RCOR1: variants seen among roughly 807,000 people sequenced by gnomAD.
RCOR1 encodes REST corepressor.
RCOR1 carries 12 observed loss-of-function variants against 64.0 expected under a neutral mutation model. The observed-to-expected ratio is 0.19, with a 90% CI of 0.12 to 0.30. The LOEUF (loss-of-function observed/expected upper bound fraction) is 0.30. RCOR1 is among the 10% of genes least tolerant of loss of function. The pLI is 1.00. For missense variants in RCOR1, 502 were observed against 621.2 expected, an observed-to-expected ratio of 0.81 and a Z score of 2.04; for synonymous variants, 279 against 227.2, an observed-to-expected ratio of 1.23 and a Z score of -2.05.
At chr14:102,671,257 T>G (rs1266945082) in intron 2 of RCOR1, among the ~76,000 whole-genome samples, 2 of 152,036 alleles carry the variant, frequency 1.3e-5, no homozygotes, top group Non-Finnish European at 2.9e-5. Context: ...AACTCCCTCT[T>G]CCCCTCGACT....
intron 3 of RCOR1, among the ~76,000 whole-genome samples, chr14:102,698,289 C>T (rs1484317048): frequency 6.6e-6 from 1 of 152,168 alleles, no homozygotes; most frequent in African/African-American, 2.4e-5. Context: ...CATTACAGGC[C>T]TTGTTACTGA....
intron 2 of RCOR1, among the ~76,000 whole-genome samples, chr14:102,596,088 A>G (rs1006939202): frequency 2.6e-5 from 4 of 151,958 alleles, no homozygotes; most frequent in African/African-American, 9.7e-5. Flanking sequence ...CCATTTTGGA[A>G]TAGAAATGAT....
chr14:102,617,972 C>CTTTTTTTTTT (rs71305077), intron 2 of RCOR1, among the ~76,000 whole-genome samples: 2 of 122,530 alleles, frequency 1.6e-5, no homozygotes, highest in African/African-American at 3.1e-5. Flanking sequence ...TTTTTTTTTT[C>CTTTTTTTTTT]TTTTTTTTTT....
chr14:102,682,191 A>G (rs1016672335), intron 3 of RCOR1, among the ~76,000 whole-genome samples: 2 of 152,174 alleles, frequency 1.3e-5, no homozygotes, highest in Non-Finnish European at 2.9e-5. Flanking sequence ...GTGCAGCAGC[A>G]CGATCTGGGC....
At chr14:102,692,083 A>T (rs188473397) in intron 3 of RCOR1, among the ~76,000 whole-genome samples, 402 of 152,356 alleles carry the variant, frequency 2.6e-3, no homozygotes, top group African/African-American at 9.5e-3. Context: ...TAGTGTGAGT[A>T]TAACACTGTT....
In RCOR1 at chr14:102,639,903, A is replaced by G. The variant is rs564405535; in HGVS notation, c.362-41992A>G. 2.0e-3 allele frequency among the ~76,000 whole-genome samples: 301 copies of G among 151,658 alleles called. 2 individuals are homozygous for G. Among genetic ancestry groups the G allele is most frequent in the African/African-American group, 6.8e-3 (280 of 41,314 alleles). The stretch of plus-strand genomic sequence containing the variant: ...CGCTCTGTCCCCAGGCTGGAGTGCA[A>G]TGGCATGACCTCGGCTCACTGCAAC... On this transcript the variant is annotated intron_variant, in intron 2 of 11. Transcript: ENST00000262241.
intron 2 of RCOR1, among the ~76,000 whole-genome samples, chr14:102,678,151 C>T (rs1402390425): frequency 2.6e-5 from 4 of 151,996 alleles, no homozygotes. Flanking sequence ...GAGATGGCAG[C>T]AGTACCGTCC....
At chr14:102,726,358 G>C in intron 11 of RCOR1, 110 bp from the exon 12 acceptor site, 1 of 895,632 alleles carries the variant, frequency 1.1e-6, no homozygotes, top group Non-Finnish European at 1.7e-6. Context: ...CTCGGTGTTT[G>C]CTCTGCAGGT....
At chr14:102,620,260 C>T (rs981286963) in intron 2 of RCOR1, among the ~76,000 whole-genome samples, 3 of 151,946 alleles carry the variant, frequency 2.0e-5, no homozygotes, top group East Asian at 1.9e-4. Context: ...CACCCCCCCA[C>T]ACCCACCATG....
At chr14:102,702,566 A>T (rs1291541042) in intron 4 of RCOR1, among the ~76,000 whole-genome samples, 1 of 152,016 alleles carries the variant, frequency 6.6e-6, no homozygotes, top group African/African-American at 2.4e-5. Flanking sequence ...TTATATATTG[A>T]GGCAGTAAAG....
At chr14:102,717,343 C>T (rs932586518) in intron 8 of RCOR1, among the ~76,000 whole-genome samples, 8 of 152,314 alleles carry the variant, frequency 5.3e-5, no homozygotes, top group South Asian at 2.1e-4. Flanking sequence ...CTCATAGACG[C>T]GAAGAGCAGG....
At chr14:102,683,574 G>A (rs963538089) in intron 3 of RCOR1, among the ~76,000 whole-genome samples, 6 of 152,226 alleles carry the variant, frequency 3.9e-5, no homozygotes, top group African/African-American at 7.2e-5. Context: ...TTCCACCAGC[G>A]GGGCTTCCCC....
intron 2 of RCOR1, among the ~76,000 whole-genome samples, chr14:102,666,939 T>A (rs1048501878): frequency 1.3e-5 from 2 of 152,112 alleles, no homozygotes; most frequent in African/African-American, 4.8e-5. Flanking sequence ...TACAACCCCC[T>A]TTTTTGGAAA....
intron 2 of RCOR1, among the ~76,000 whole-genome samples, chr14:102,619,709 G>GACCTCAGGTGATCTGCCC (rs1171142579): frequency 8.6e-5 from 13 of 151,994 alleles, no homozygotes; most frequent in African/African-American, 2.9e-4. Flanking sequence ...TCAAACTCCT[G>GACCTCAGGTGATCTGCCC]ACCTCAGGTG....
chr14:102,596,796 T>C (rs984257951), intron 2 of RCOR1, among the ~76,000 whole-genome samples: 8 of 151,418 alleles, frequency 5.3e-5, no homozygotes, highest in African/African-American at 1.9e-4. Context: ...AACTCTTTGC[T>C]TCAGGTGATC....
At chr14:102,649,013 G>T (rs1189400642) in intron 2 of RCOR1, among the ~76,000 whole-genome samples, 1 of 150,812 alleles carries the variant, frequency 6.6e-6, no homozygotes, top group Non-Finnish European at 1.5e-5. Flanking sequence ...TGTAGTAGAA[G>T]TTTGGAGGTG....
intron 2 of RCOR1, among the ~76,000 whole-genome samples, chr14:102,651,721 A>G (rs1022485469): frequency 3.3e-5 from 5 of 152,178 alleles, no homozygotes; most frequent in Non-Finnish European, 5.9e-5. Context: ...TTATTTATTT[A>G]TAGAGACAGG....
chr14:102,692,987 A>G (rs1298684545), intron 3 of RCOR1, among the ~76,000 whole-genome samples: 3 of 151,926 alleles, frequency 2.0e-5, no homozygotes, highest in Non-Finnish European at 4.4e-5. Context: ...GCTGGTCTTG[A>G]ATTCCTGACC....
intron 2 of RCOR1, among the ~76,000 whole-genome samples, chr14:102,601,311 C>T (rs1237999541): frequency 1.3e-5 from 2 of 152,214 alleles, no homozygotes; most frequent in Non-Finnish European, 2.9e-5. Context: ...CCGCACCCGA[C>T]CAAACACTGA....
Sources: allele counts gnomAD v4.1 joint callset (sites outside exome capture counted in the v4.1 genomes callset), GRCh38; gene constraint gnomAD v4.1.1; transcripts MANE v1.5; gene names NCBI Gene and HGNC (gene_info 2026-07-23, HGNC 2026-07-21).